AGPAT4: variants seen among roughly 807,000 people sequenced by gnomAD.
AGPAT4 encodes 1-acylglycerol-3-phosphate O-acyltransferase 4.
A neutral mutation model predicts 48.0 loss-of-function variants in AGPAT4; 15 were observed. The observed-to-expected ratio is 0.31, with a 90% CI of 0.21 to 0.48. AGPAT4 has a LOEUF of 0.48. AGPAT4 is among the 20% of genes least tolerant of loss of function. The pLI is 0.99. For missense variants in AGPAT4, 314 were observed against 482.5 expected, an observed-to-expected ratio of 0.65 and a Z score of 3.27; for synonymous variants, 178 against 198.7, an observed-to-expected ratio of 0.90 and a Z score of 0.88.
chr6:161,245,445 T>G lies in AGPAT4; in HGVS notation c.-89-13143A>C, dbSNP rs1260651880. Reference sequence around the variant, plus strand: ...TGCACGTGCCTTTAACCACAGTGCTTCTGATTCATGGAAACTAACGTGGCA... The same window carrying G: ...TGCACGTGCCTTTAACCACAGTGCTGCTGATTCATGGAAACTAACGTGGCA... On this transcript the variant is annotated intron_variant, in intron 1 of 8. Coordinates refer to ENST00000320285, the MANE Select transcript of AGPAT4 (RefSeq NM_020133.3). This position sits in a 1 kb window ranked among gnomAD's most constrained non-coding sequence, Gnocchi z 5.2. Among the ~76,000 whole-genome samples, 2 of 152,164 alleles carry G rather than the reference T, an allele frequency of 1.3e-5. No homozygotes were observed. The highest frequency in any genetic ancestry group is 4.8e-5 in the African/African-American group (2 of 41,438).
In AGPAT4 at chr6:161,164,506, T is replaced by C. The variant is rs1262268093; in HGVS notation, c.348+1742A>G. Among the ~76,000 whole-genome samples, 2 of 152,186 alleles carry C rather than the reference T, an allele frequency of 1.3e-5. No individual in the cohort carries two copies. Among genetic ancestry groups the C allele is most frequent in the Non-Finnish European group, 2.9e-5 (2 of 68,022 alleles). ...CTGGGTCGTTTTAGGATGGTCAGGG[T>C]CCTGTTTCTGGAGCAGGTCTTGGGC... On this transcript the variant is annotated intron_variant, in intron 3 of 8. Transcript: ENST00000320285. This position sits in a 1 kb window ranked among gnomAD's most constrained non-coding sequence, Gnocchi z 7.4.
At chr6:161,271,257 C>T (rs924852882) in intron 1 of AGPAT4, among the ~76,000 whole-genome samples, 3 of 152,142 alleles carry the variant, frequency 2.0e-5, no homozygotes, top group African/African-American at 2.4e-5. Flanking sequence ...CTATCTAAGA[C>T]ACCCTCTCCT....
At position 161,146,454 on chromosome 6, in the gene AGPAT4, C is replaced by T; in HGVS notation, c.843+70G>A. On this transcript the variant is annotated intron_variant, in intron 7 of 8. Coordinates refer to ENST00000320285, the MANE Select transcript of AGPAT4 (RefSeq NM_020133.3). This position sits in a 1 kb window ranked among gnomAD's most constrained non-coding sequence, Gnocchi z 7.1. ...CGCCCACCGGAGAAAGGCCTGCTACCACACAACACAGCCACACGGCGCACC... is the reference window on the plus strand; with the variant it reads ...CGCCCACCGGAGAAAGGCCTGCTACTACACAACACAGCCACACGGCGCACC... The T allele has an allele frequency of 1.3e-6, 2 of 1,498,276 alleles. No homozygotes were observed. Among genetic ancestry groups the T allele is most frequent in the Non-Finnish European group, 1.8e-6 (2 of 1,084,920 alleles). 92.8% of individuals were successfully genotyped at this position (1,498,276 alleles called of 1,614,324 possible).
At position 161,251,539 on chromosome 6, in the gene AGPAT4, C is replaced by T. The variant is rs1160121285; in HGVS notation, c.-89-19237G>A. ...TCTTGGCCTCTCCACCTGATCTCCTCTTCCTCTCCCAGAGGCTGCACAACG... is the reference window on the plus strand; with the variant it reads ...TCTTGGCCTCTCCACCTGATCTCCTTTTCCTCTCCCAGAGGCTGCACAACG... On this transcript the variant is annotated intron_variant, in intron 1 of 8. Coordinates refer to ENST00000320285, the MANE Select transcript of AGPAT4 (RefSeq NM_020133.3). The surrounding 1 kb of genome is among the most constrained non-coding windows in gnomAD (Gnocchi z 4.6). 6.6e-6 allele frequency among the ~76,000 whole-genome samples: 1 copy of T among 152,202 alleles called. No individual in the cohort carries two copies. Among genetic ancestry groups the T allele is most frequent in the Non-Finnish European group, 1.5e-5 (1 of 68,046 alleles).
rs148899328 is a variant in AGPAT4, at chr6:161,197,803, G to A, written c.179-31386C>T. Among the ~76,000 whole-genome samples the A allele has an allele frequency of 8.9e-3, 1,354 of 152,196 alleles. 5 individuals carry two copies. The highest frequency in any genetic ancestry group is 0.014 in the Non-Finnish European group (920 of 68,022). ...GAGTTAAGTGCCTGCCGGAGTTCTG[G>A]AAATAAAATTACTTACGTGGACTCT... On this transcript the variant is annotated intron_variant, in intron 2 of 8. Transcript: ENST00000320285. The surrounding 1 kb of genome is among the most constrained non-coding windows in gnomAD (Gnocchi z 5.7).
Position 161,166,175 on chromosome 6 carries a change from G to C in AGPAT4, c.348+73C>G. On this transcript the variant is annotated intron_variant, in intron 3 of 8. Coordinates refer to ENST00000320285, the MANE Select transcript of AGPAT4 (RefSeq NM_020133.3). The surrounding 1 kb of genome is among the most constrained non-coding windows in gnomAD (Gnocchi z 6.7). The stretch of plus-strand genomic sequence containing the variant: ...TTCTTCTGCAAGTTCTGAATGACCA[G>C]GAGCAAAAAGACAAGTGGTGGGGCT... 6.4e-7 allele frequency: 1 copy of C among 1,552,858 alleles called. No individual in the cohort carries two copies.
chr6:161,157,177 T>G (rs563763085), intron 3 of AGPAT4, among the ~76,000 whole-genome samples: 118 of 152,358 alleles, frequency 7.7e-4, no homozygotes, highest in African/African-American at 2.8e-3. Flanking sequence ...GATTTTTATT[T>G]TGTTAGATTT....
rs763619600 is a variant in AGPAT4 at position 161,243,198 on chromosome 6, C to A, written c.-89-10896G>T. ...CTGTGGCTGTCAGCTCAATACTAAG[C>A]CTGTGAGGGCTGGAACGACATGGGA... On this transcript the variant is annotated intron_variant, in intron 1 of 8. Transcript: ENST00000320285. The surrounding 1 kb of genome is among the most constrained non-coding windows in gnomAD (Gnocchi z 4.8). 1.8e-4 allele frequency among the ~76,000 whole-genome samples: 27 copies of A among 152,034 alleles called. No homozygotes were observed. The highest frequency in any genetic ancestry group is 3.4e-4 in the Non-Finnish European group (23 of 68,006).
At chr6:161,207,314 G>C (rs1194516331) in intron 2 of AGPAT4, among the ~76,000 whole-genome samples, 1 of 152,164 alleles carries the variant, frequency 6.6e-6, no homozygotes, top group Admixed American at 6.5e-5. Context: ...TCTCCAGTGA[G>C]TACCAGTGCC....
Position 161,189,642 on chromosome 6 carries a change from T to C in AGPAT4, c.179-23225A>G, listed in dbSNP as rs1296753974. Among the ~76,000 whole-genome samples, 1 of 152,084 alleles carries C rather than the reference T, an allele frequency of 6.6e-6. No individual in the cohort carries two copies. Among genetic ancestry groups the C allele is most frequent in the Non-Finnish European group, 1.5e-5 (1 of 68,016 alleles). Reference sequence around the variant, plus strand: ...GTGCTGTACACTTGCACACGGCAGATCCAGGCCAGCTGCACATCCGTGGGC... The same window carrying C: ...GTGCTGTACACTTGCACACGGCAGACCCAGGCCAGCTGCACATCCGTGGGC... On this transcript the variant is annotated intron_variant, in intron 2 of 8. Transcript: ENST00000320285. This position sits in a 1 kb window ranked among gnomAD's most constrained non-coding sequence, Gnocchi z 5.3.
In AGPAT4 at chr6:161,270,129, T is replaced by C. The variant is rs748460081; in HGVS notation, c.-90+3809A>G. ...TCATGGGGTTTCCCTTGTAAACCCA[T>C]TTGAAAACTATAACTATTTAAACTG... On this transcript the variant is annotated intron_variant, in intron 1 of 8. Coordinates refer to ENST00000320285, the MANE Select transcript of AGPAT4 (RefSeq NM_020133.3). This position sits in a 1 kb window ranked among gnomAD's most constrained non-coding sequence, Gnocchi z 5.3. Among the ~76,000 whole-genome samples the C allele has an allele frequency of 2.6e-5, 4 of 152,224 alleles. No individual in the cohort carries two copies. The highest frequency in any genetic ancestry group is 5.9e-5 in the Non-Finnish European group (4 of 68,032).
chr6:161,132,931 CAAATATTCCTCT>C lies in AGPAT4; in HGVS notation c.*3597_*3608del, dbSNP rs1424353577. On this transcript the variant is annotated 3_prime_UTR_variant, in exon 9 of 9. Coordinates refer to ENST00000320285, the MANE Select transcript of AGPAT4 (RefSeq NM_020133.3). Reference sequence around the variant, plus strand: ...TCTTTTAAACACAAATGGCAGCTCACAAATATTCCTCTAAATATTCCTCCATACAGCCTAGGG... The same window carrying C: ...TCTTTTAAACACAAATGGCAGCTCACAAATATTCCTCCATACAGCCTAGGG... 6.6e-6 allele frequency: 1 copy of C among 152,190 alleles called. No individual in the cohort carries two copies. Among genetic ancestry groups the C allele is most frequent in the Non-Finnish European group, 1.5e-5 (1 of 68,048 alleles). The allele number at this position is 152,190 out of a possible 1,614,324, so 9.4% of individuals were successfully genotyped here. A position where few individuals can be genotyped will look rare whatever the true frequency, so the allele number is the denominator to read the frequency against.
Position 161,180,810 on chromosome 6 carries a change from G to T in AGPAT4, c.179-14393C>A, listed in dbSNP as rs1256359972. Among the ~76,000 whole-genome samples the T allele has an allele frequency of 1.3e-5, 2 of 152,152 alleles. No homozygotes were observed. Among genetic ancestry groups the T allele is most frequent in the Non-Finnish European group, 1.5e-5 (1 of 68,040 alleles). ...TCACAACACCCTCACCTGGAGGTCA[G>T]TCGTCAAGTTACAGGGTGCCCACCA... On this transcript the variant is annotated intron_variant, in intron 2 of 8. Transcript: ENST00000320285. This position sits in a 1 kb window ranked among gnomAD's most constrained non-coding sequence, Gnocchi z 6.4.
chr6:161,256,727 G>A (rs981550338), intron 1 of AGPAT4, among the ~76,000 whole-genome samples: 2 of 152,228 alleles, frequency 1.3e-5, no homozygotes, highest in Non-Finnish European at 2.9e-5. Context: ...AAGAAATCTG[G>A]TGGATTGCCA....
At position 161,164,438 on chromosome 6, in the gene AGPAT4, G is replaced by A. The variant is rs1038371241; in HGVS notation, c.348+1810C>T. Among the ~76,000 whole-genome samples, 3 of 152,168 alleles carry A rather than the reference G, an allele frequency of 2.0e-5. No individual in the cohort carries two copies. Among genetic ancestry groups the A allele is most frequent in the Admixed American group, 6.5e-5 (1 of 15,274 alleles). The stretch of plus-strand genomic sequence containing the variant: ...CTCGAATGAGGCCTTTGCACATCAC[G>A]AGCCAGGAAGGTATTAGAAGCCTGG... On this transcript the variant is annotated intron_variant, in intron 3 of 8. Coordinates refer to ENST00000320285, the MANE Select transcript of AGPAT4 (RefSeq NM_020133.3). This position sits in a 1 kb window ranked among gnomAD's most constrained non-coding sequence, Gnocchi z 7.4.
rs775169927 is a variant in AGPAT4 at position 161,149,204 on chromosome 6, A to C, written c.750T>G (p.His250Gln). 1 of 1,612,868 alleles carries C rather than the reference A, an allele frequency of 6.2e-7. No individual in the cohort carries two copies. Among genetic ancestry groups the C allele is most frequent in the South Asian group, 1.1e-5 (1 of 90,584 alleles). The change falls in exon 6 of 9, where the codon CAT becomes CAG. Residue 250 changes from histidine to glutamine, a missense_variant. His to Gln is a conservative substitution (Grantham distance 24). Transcript: ENST00000320285. The surrounding 1 kb of genome is among the most constrained non-coding windows in gnomAD (Gnocchi z 6.5). ...CGACTTACCTAACATACAAATCTGC[A>C]TGGTATTTCTTTCCGTTTAGGACTC... ...LLGVLNGKKY[H>Q]ADLYVRRIPL...
In AGPAT4 at chr6:161,254,546, A is replaced by G. The variant is rs1175778773; in HGVS notation, c.-90+19392T>C. 2.0e-5 allele frequency among the ~76,000 whole-genome samples: 3 copies of G among 152,212 alleles called. No individual in the cohort carries two copies. In the East Asian group the frequency reaches 5.8e-4, roughly 29 times the overall value. The stretch of plus-strand genomic sequence containing the variant: ...GCCCTGGTGATCTTTTCTCACGGCC[A>G]TGTTCTTTATGTCCTTTCACTCCTC... On this transcript the variant is annotated intron_variant, in intron 1 of 8. Coordinates refer to ENST00000320285, the MANE Select transcript of AGPAT4 (RefSeq NM_020133.3). The surrounding 1 kb of genome is among the most constrained non-coding windows in gnomAD (Gnocchi z 5.9).
intron 2 of AGPAT4, among the ~76,000 whole-genome samples, chr6:161,192,735 A>G (rs1414224974): frequency 7.9e-5 from 12 of 152,090 alleles, no homozygotes; most frequent in African/African-American, 2.7e-4. Context: ...TTATCTGAAA[A>G]TGTGTTTATT....
chr6:161,203,080 G>A (rs544788512), intron 2 of AGPAT4, among the ~76,000 whole-genome samples: 17 of 152,306 alleles, frequency 1.1e-4, no homozygotes, highest in East Asian at 3.9e-4. Flanking sequence ...CTGACCCAAC[G>A]AATCCATGGG....
Sources: gnomAD v4.1 joint callset for allele counts (sites outside exome capture counted in the v4.1 genomes callset) on GRCh38, gnomAD v4.1.1 for gene constraint, Gnocchi (gnomAD v3.1) non-coding constraint, MANE v1.5 for transcripts, NCBI Gene and HGNC (gene_info 2026-07-23, HGNC 2026-07-21) for gene names.